GPAT4: variants seen among roughly 807,000 people sequenced by gnomAD.
GPAT4 encodes glycerol-3-phosphate acyltransferase 4.
Under a neutral mutation model 58.0 loss-of-function variants are expected in GPAT4, and 17 were observed. That is an observed-to-expected ratio of 0.29 (90% CI 0.20 to 0.44). GPAT4 has a LOEUF of 0.44. Among genes scored for constraint, GPAT4 ranks in the 20% least tolerant of loss-of-function variants. The probability of loss-of-function intolerance (pLI) is 1.00; values close to 1 mark genes in which losing one functional copy is unlikely to be tolerated. For synonymous variants in GPAT4, 204 were observed against 210.1 expected (o/e 0.97, Z 0.25); for missense variants, 377 against 574.5 (o/e 0.66, Z 3.51).
At chr8:41,581,815 A>G (rs1410420656) in intron 1 of GPAT4, among the ~76,000 whole-genome samples, 1 of 145,618 alleles carries the variant, frequency 6.9e-6, no homozygotes, top group East Asian at 2.1e-4. Context: ...TGTATTTTTT[A>G]GTAGAGACAG....
intron 1 of GPAT4, among the ~76,000 whole-genome samples, chr8:41,595,907 C>T (rs1250665358): frequency 6.6e-6 from 1 of 152,030 alleles, no homozygotes; most frequent in Non-Finnish European, 1.5e-5. Flanking sequence ...TTCTCTCAAC[C>T]ACTGTGGCGG....
chr8:41,607,948 C>T (rs1372172919), intron 2 of GPAT4, among the ~76,000 whole-genome samples: 1 of 152,194 alleles, frequency 6.6e-6, no homozygotes, highest in Non-Finnish European at 1.5e-5. Context: ...GTTGTGAACT[C>T]TCTTGCCCCT....
At chr8:41,614,507 C>T in intron 9 of GPAT4, 66 bp downstream of exon 9, 1 of 1,509,168 alleles carries the variant, frequency 6.6e-7, no homozygotes, top group Non-Finnish European at 9.2e-7. Context: ...GCTGATGTTT[C>T]CTGGGAACCA....
chr8:41,612,803 G>C (rs1803481581), intron 7 of GPAT4, 42 bp from the exon 8 acceptor site: 1 of 1,552,768 alleles, frequency 6.4e-7, no homozygotes, highest in African/African-American at 1.4e-5. Context: ...AGATTCGTGT[G>C]AAGATGGCTT....
chr8:41,614,801 T>G (rs1803547409), intron 9 of GPAT4, among the ~76,000 whole-genome samples, 162 bp from the exon 10 acceptor site: 2 of 152,188 alleles, frequency 1.3e-5, no homozygotes, highest in Admixed American at 1.3e-4. Context: ...ATCTTGCCTG[T>G]CTCTGTTAAG....
intron 1 of GPAT4, among the ~76,000 whole-genome samples, chr8:41,588,563 A>G (rs772512746): frequency 1.3e-5 from 2 of 148,594 alleles, no homozygotes; most frequent in African/African-American, 2.5e-5. Flanking sequence ...TTCTTTTCCA[A>G]GAGTGTATTT....
At chr8:41,579,451 C>T (rs1046044992) in intron 1 of GPAT4, among the ~76,000 whole-genome samples, 3 of 152,198 alleles carry the variant, frequency 2.0e-5, no homozygotes, top group Admixed American at 2.0e-4. Flanking sequence ...TGTTTTGGAA[C>T]ACAGCCTACT....
chr8:41,616,386 C>T (rs1803595105), intron 10 of GPAT4, among the ~76,000 whole-genome samples: 1 of 152,194 alleles, frequency 6.6e-6, no homozygotes, highest in African/African-American at 2.4e-5. Flanking sequence ...ACCTTGACCT[C>T]CCACATTTAG....
At position 41,623,186 on chromosome 8, in the gene GPAT4, C is replaced by T. The variant is rs1201943244; in HGVS notation, c.*2185C>T. 1 of 152,208 alleles carries T rather than the reference C, an allele frequency of 6.6e-6. No individual in the cohort carries two copies. The highest frequency in any genetic ancestry group is 1.5e-5 in the Non-Finnish European group (1 of 68,062). The allele number at this position is 152,208 out of a possible 1,614,324, so 9.4% of individuals were successfully genotyped here. A position where few individuals can be genotyped will look rare whatever the true frequency, so the allele number is the denominator to read the frequency against. ...GCAGTGAGGAGAGCACTGATTCACG[C>T]CTGCAGAAACGTAACCTCCCCTTTC... On this transcript the variant is annotated 3_prime_UTR_variant, in exon 13 of 13. Coordinates refer to ENST00000396987, the MANE Select transcript of GPAT4 (RefSeq NM_178819.4).
rs143037095 is a variant in GPAT4 at position 41,612,263 on chromosome 8, A to G, written c.785A>G (p.Tyr262Cys). The G allele has an allele frequency of 1.9e-5, 30 of 1,614,084 alleles. No homozygotes were observed. Among genetic ancestry groups the G allele is most frequent in the Non-Finnish European group, 2.5e-5 (29 of 1,179,998 alleles). The change falls in exon 7 of 13, where the codon TAT becomes TGT. Residue 262 changes from tyrosine to cysteine, a missense_variant. Tyr to Cys is a radical substitution (Grantham distance 194, BLOSUM62 -2). Transcript: ENST00000396987. ...IDVIILASDGYYAMVGQVHGG... is the reference protein window; with the variant it reads ...IDVIILASDGCYAMVGQVHGG... ...GTGATCATCTTGGCCAGCGATGGCT[A>G]TTATGCCATGGTAAGAGCTCTTTCC... is the stretch of plus-strand genomic sequence containing the variant.
chr8:41,590,670 G>A (rs140355950), intron 1 of GPAT4, among the ~76,000 whole-genome samples: 1 of 152,336 alleles, frequency 6.6e-6, no homozygotes, highest in Non-Finnish European at 1.5e-5. Context: ...AGCAATCGCA[G>A]TGACAGTGTG....
intron 1 of GPAT4, among the ~76,000 whole-genome samples, chr8:41,579,403 A>G (rs1050646397): frequency 2.0e-5 from 3 of 152,216 alleles, no homozygotes; most frequent in Admixed American, 1.3e-4. Flanking sequence ...CTTCAGTTCC[A>G]TAATGAAAAC....
chr8:41,581,827 G>A (rs1802518019), intron 1 of GPAT4, among the ~76,000 whole-genome samples: 1 of 149,266 alleles, frequency 6.7e-6, no homozygotes, highest in African/African-American at 2.5e-5. Context: ...TAGAGACAGG[G>A]TTTCACCGTG....
chr8:41,602,780 A>G (rs150442741), intron 2 of GPAT4, among the ~76,000 whole-genome samples: 230 of 152,238 alleles, frequency 1.5e-3, no homozygotes, highest in African/African-American at 5.1e-3. Flanking sequence ...AAACACGTTT[A>G]GTTTTTACAT....
intron 2 of GPAT4, among the ~76,000 whole-genome samples, chr8:41,600,323 T>G (rs1254098595): frequency 6.6e-6 from 1 of 152,194 alleles, no homozygotes; most frequent in Non-Finnish European, 1.5e-5. Context: ...ATTACAGGCC[T>G]GAGCCACCGT....
chr8:41,589,098 T>C (rs1387321874), intron 1 of GPAT4, among the ~76,000 whole-genome samples: 2 of 152,246 alleles, frequency 1.3e-5, no homozygotes, highest in East Asian at 3.8e-4. Flanking sequence ...TTGATTGAGT[T>C]CTGATGTGAA....
chr8:41,618,860 A>C (rs199542163), intron 11 of GPAT4, 38 bp from the exon 12 acceptor site: 1 of 1,614,246 alleles, frequency 6.2e-7, no homozygotes, highest in Non-Finnish European at 8.5e-7. Flanking sequence ...TGTAACGTCA[A>C]GCCGGGGCTG....
chr8:41,602,738 A>G (rs958534809), intron 2 of GPAT4, among the ~76,000 whole-genome samples: 1 of 152,176 alleles, frequency 6.6e-6, no homozygotes, highest in African/African-American at 2.4e-5. Context: ...TTAGGCTGCT[A>G]TAACGAACTA....
At chr8:41,597,250 C>T (rs563146484) in intron 1 of GPAT4, among the ~76,000 whole-genome samples, 1 of 152,206 alleles carries the variant, frequency 6.6e-6, no homozygotes, top group Admixed American at 6.5e-5. Flanking sequence ...GATTTTAAGG[C>T]GAAGTCAGTA....
Sources: gnomAD v4.1 joint callset for allele counts (sites outside exome capture counted in the v4.1 genomes callset) on GRCh38, gnomAD v4.1.1 for gene constraint, MANE v1.5 for transcripts, NCBI Gene and HGNC (gene_info 2026-07-23, HGNC 2026-07-21) for gene names.